The following PRKCA variants were observed in gnomAD, a reference collection of about 807,000 sequenced individuals.
The protein encoded by PRKCA is protein kinase C alpha type.
In PRKCA, 27 loss-of-function variants were observed where a neutral mutation model predicts 87.0. The observed-to-expected ratio is 0.31, with a 90% CI of 0.23 to 0.43. PRKCA has a LOEUF of 0.43. Ranked by LOEUF, PRKCA falls within the 20% of genes least tolerant of loss-of-function variation. The probability of loss-of-function intolerance (pLI) is 1.00; values close to 1 mark genes in which losing one functional copy is unlikely to be tolerated. For missense variants in PRKCA, 518 were observed against 852.3 expected (o/e 0.61, Z 4.88); for synonymous variants, 329 against 311.1 (o/e 1.06, Z -0.61).
intron 3 of PRKCA, among the ~76,000 whole-genome samples, chr17:66,556,087 C>A (rs115761743): frequency 7.8e-4 from 118 of 152,208 alleles, no homozygotes; most frequent in African/African-American, 2.8e-3. Flanking sequence ...GGACTCCTCC[C>A]TGGGACTGGA....
intron 3 of PRKCA, among the ~76,000 whole-genome samples, chr17:66,628,046 A>G (rs1320164640): frequency 6.6e-6 from 1 of 152,228 alleles, no homozygotes; most frequent in Non-Finnish European, 1.5e-5. Context: ...AAACGGAGAA[A>G]AACCAAGGAT....
At chr17:66,694,280 A>C (rs912673658) in intron 8 of PRKCA, among the ~76,000 whole-genome samples, 13 of 152,068 alleles carry the variant, frequency 8.5e-5, no homozygotes, top group African/African-American at 3.1e-4. Flanking sequence ...CAAGAGTTCA[A>C]GACAAGCCTG....
chr17:66,652,062 G>A (rs546781749), intron 5 of PRKCA, among the ~76,000 whole-genome samples: 1 of 152,218 alleles, frequency 6.6e-6, no homozygotes, highest in East Asian at 1.9e-4. Context: ...GGATTCAAGC[G>A]ATTCTCCTGC....
chr17:66,436,273 G>A (rs1011081648), intron 2 of PRKCA, among the ~76,000 whole-genome samples: 5 of 152,162 alleles, frequency 3.3e-5, no homozygotes, highest in Non-Finnish European at 7.4e-5. Flanking sequence ...TTCAAGAGAG[G>A]AGAGGCAGTA....
intron 5 of PRKCA, among the ~76,000 whole-genome samples, chr17:66,681,363 GCTGA>G (rs1972487428): frequency 6.6e-6 from 1 of 152,124 alleles, no homozygotes; most frequent in Admixed American, 6.5e-5. Flanking sequence ...ACACCTAGTT[GCTGA>G]CTGTTTCACT....
intron 3 of PRKCA, among the ~76,000 whole-genome samples, chr17:66,620,727 GAT>G (rs1437611494): frequency 6.6e-6 from 1 of 152,188 alleles, no homozygotes; most frequent in Non-Finnish European, 1.5e-5. Flanking sequence ...ATCCCATACA[GAT>G]AGCTCACTAT....
intron 2 of PRKCA, among the ~76,000 whole-genome samples, chr17:66,354,041 A>T (rs1907904948): frequency 6.6e-6 from 1 of 152,186 alleles, no homozygotes; most frequent in African/African-American, 2.4e-5. Context: ...ATGATTTGGG[A>T]ATCAGATTCC....
chr17:66,740,412 G>C (rs933770095), intron 11 of PRKCA, among the ~76,000 whole-genome samples: 1 of 152,158 alleles, frequency 6.6e-6, no homozygotes, highest in African/African-American at 2.4e-5. Flanking sequence ...AACCTCGGGG[G>C]CATGTACCCT....
chr17:66,542,509 A>G (rs1968018257), intron 3 of PRKCA, among the ~76,000 whole-genome samples: 1 of 152,094 alleles, frequency 6.6e-6, no homozygotes, highest in Non-Finnish European at 1.5e-5. Context: ...TAGAGCAGTT[A>G]TGAAGGACCT....
chr17:66,727,642 T>TC (rs938090904), intron 8 of PRKCA, among the ~76,000 whole-genome samples: 2 of 151,928 alleles, frequency 1.3e-5, no homozygotes, highest in Non-Finnish European at 2.9e-5. Context: ...TGCCTGGAAT[T>TC]TTCTGTTCTC....
intron 5 of PRKCA, among the ~76,000 whole-genome samples, chr17:66,660,719 C>G (rs996853723): frequency 1.3e-5 from 2 of 152,072 alleles, no homozygotes; most frequent in African/African-American, 2.4e-5. Context: ...GAAAACCTGT[C>G]TCTACTAAAA....
chr17:66,784,941 C>G (rs1975341856), intron 14 of PRKCA, among the ~76,000 whole-genome samples: 1 of 152,202 alleles, frequency 6.6e-6, no homozygotes, highest in African/African-American at 2.4e-5. Context: ...GGCCAGCTGC[C>G]CCTGCCCTGT....
intron 5 of PRKCA, among the ~76,000 whole-genome samples, chr17:66,671,293 C>T (rs570387435): frequency 2.9e-4 from 43 of 150,036 alleles, no homozygotes; most frequent in Admixed American, 7.3e-4. Context: ...AAGCTCCACA[C>T]GACAGAGGCA....
At chr17:66,570,242 G>A (rs1969037128) in intron 3 of PRKCA, among the ~76,000 whole-genome samples, 1 of 152,176 alleles carries the variant, frequency 6.6e-6, no homozygotes, top group Admixed American at 6.5e-5. Flanking sequence ...ACTAGAACAG[G>A]CACAAGGGGA....
chr17:66,798,693 T>C (rs1167351769), intron 16 of PRKCA, among the ~76,000 whole-genome samples: 1 of 85,172 alleles, frequency 1.2e-5, no homozygotes, highest in Admixed American at 1.3e-4. Flanking sequence ...GTGGTGGTGA[T>C]GGTGATGGTG....
At chr17:66,620,676 T>C (rs1024054479) in intron 3 of PRKCA, among the ~76,000 whole-genome samples, 2 of 152,188 alleles carry the variant, frequency 1.3e-5, no homozygotes, top group African/African-American at 4.8e-5. Flanking sequence ...AACCGAGTGA[T>C]TCTATCTAAG....
intron 2 of PRKCA, among the ~76,000 whole-genome samples, chr17:66,355,461 C>T (rs1211334472): frequency 1.3e-5 from 2 of 152,146 alleles, no homozygotes; most frequent in African/African-American, 4.8e-5. Context: ...TGAATTTCCA[C>T]CATTAAATTT....
chr17:66,671,169 C>G (rs771701288), intron 5 of PRKCA, among the ~76,000 whole-genome samples: 1 of 127,204 alleles, frequency 7.9e-6, no homozygotes, highest in Non-Finnish European at 1.6e-5. Flanking sequence ...CGAGATTGCA[C>G]CATTGCACAC....
At chr17:66,683,314 T>G (rs964343463) in intron 5 of PRKCA, among the ~76,000 whole-genome samples, 5 of 152,238 alleles carry the variant, frequency 3.3e-5, no homozygotes, top group African/African-American at 9.6e-5. Flanking sequence ...ATAGTTGAAG[T>G]CTTCAAATGA....
Sources: gnomAD v4.1 joint callset for allele counts (sites outside exome capture counted in the v4.1 genomes callset) on GRCh38, gnomAD v4.1.1 for gene constraint, MANE v1.5 for transcripts, NCBI Gene and HGNC (gene_info 2026-07-23, HGNC 2026-07-21) for gene names.